NHSL2: variants seen among roughly 807,000 people sequenced by gnomAD.
The protein encoded by NHSL2 is NHS like 2, also known as NHS-like protein 2.
A neutral mutation model predicts 53.4 loss-of-function variants in NHSL2; 27 were observed. The ratio of observed to expected loss-of-function variants is 0.51; its 90% CI spans 0.37 to 0.70. NHSL2 has a LOEUF of 0.70. NHSL2 is among the 30% of genes least tolerant of loss of function. The pLI is 0.00. For synonymous variants in NHSL2, 408 were observed against 404.1 expected (o/e 1.01, Z -0.12); for missense variants, 892 against 980.1 (o/e 0.91, Z 1.20).
Position 72,147,348 on chromosome X carries a change from G to A in NHSL2, c.*3774G>A, listed in dbSNP as rs2042472112. On this transcript the variant is annotated 3_prime_UTR_variant, in exon 8 of 8. Transcript: ENST00000633930. The stretch of plus-strand genomic sequence containing the variant: ...GGTGCCCGCTCTCAGGGCCATGCAA[G>A]TGCCTTACCCTCGTCCCAGCCCTGT... 1 of 112,137 alleles carries A rather than the reference G, an allele frequency of 8.9e-6. No individual in the cohort carries two copies. The highest frequency in any genetic ancestry group is 3.2e-5 in the African/African-American group (1 of 30,840). 9.2% of individuals were successfully genotyped at this position (112,137 alleles called of 1,213,427 possible).
rs10580313 is a variant in NHSL2, at chrX:72,080,571, C to CGTGTGTGTGTGTGTGT, written c.281-51491_281-51476dup. Among the ~76,000 whole-genome samples, 21 of 97,141 alleles carry CGTGTGTGTGTGTGTGT rather than the reference C, an allele frequency of 2.2e-4. No individual in the cohort carries two copies. In the East Asian group the frequency reaches 3.1e-3, roughly 14 times the overall value. 84.4% of individuals were successfully genotyped at this position (97,141 alleles called of 115,157 possible). A position where few individuals can be genotyped will look rare whatever the true frequency, so the allele number is the denominator to read the frequency against. On this transcript the variant is annotated intron_variant, in intron 1 of 7. Coordinates refer to ENST00000633930, the MANE Select transcript of NHSL2 (RefSeq NM_001013627.3). ...ATAAAAGTGATGGAGGAATTCTGCA[C>CGTGTGTGTGTGTGTGT]GTGTGTGTGTGTGTGTGTGTGTGTG...
rs751047116 is a variant in NHSL2 at position 71,981,492 on chromosome X, G to A, written c.280+70125G>A. Among the ~76,000 whole-genome samples the A allele has an allele frequency of 5.5e-4, 56 of 101,109 alleles. No individual in the cohort carries two copies. In the South Asian group the frequency reaches 9.8e-3, roughly 18 times the overall value. 87.8% of individuals were successfully genotyped at this position (101,109 alleles called of 115,157 possible). A position where few individuals can be genotyped will look rare whatever the true frequency, so the allele number is the denominator to read the frequency against. On this transcript the variant is annotated intron_variant, in intron 1 of 7. Coordinates refer to ENST00000633930, the MANE Select transcript of NHSL2 (RefSeq NM_001013627.3). ...ACCCAGGTTGCAGTGAGCAGAGATC[G>A]TGCCACTGCACTCCAACCTGGGCAA...
At chrX:71,971,990 A>C (rs981570411) in intron 1 of NHSL2, among the ~76,000 whole-genome samples, 13 of 111,766 alleles carry the variant, frequency 1.2e-4, no homozygotes, top group Non-Finnish European at 7.5e-5. Flanking sequence ...TCTGTAAGTG[A>C]CAATGGATTC....
chrX:71,982,157 G>T (rs887736958), intron 1 of NHSL2, among the ~76,000 whole-genome samples: 11 of 112,126 alleles, frequency 9.8e-5, no homozygotes, highest in African/African-American at 3.6e-4. Context: ...AATGAATGAA[G>T]TACTGATATA....
chrX:72,018,874 G>A (rs900420186), intron 1 of NHSL2, among the ~76,000 whole-genome samples: 3 of 112,942 alleles, frequency 2.7e-5, no homozygotes, highest in African/African-American at 9.6e-5. Flanking sequence ...TGGGGTGCGT[G>A]AGGAATGAAT....
rs1483460273 is a variant in NHSL2 at position 72,087,828 on chromosome X, C to T, written c.281-44251C>T. Among the ~76,000 whole-genome samples, 6 of 110,995 alleles carry T rather than the reference C, an allele frequency of 5.4e-5. No individual in the cohort carries two copies. In the South Asian group the frequency reaches 1.1e-3, roughly 21 times the overall value. ...CGGAGGTTGCAATGAGCCAAGATCG[C>T]GCCATTGAACTCCAGCCTGGATGAC... On this transcript the variant is annotated intron_variant, in intron 1 of 7. Transcript: ENST00000633930.
At chrX:72,107,015 T>C (rs2042048462) in intron 1 of NHSL2, among the ~76,000 whole-genome samples, 1 of 110,671 alleles carries the variant, frequency 9.0e-6, no homozygotes, top group Non-Finnish European at 1.9e-5. Flanking sequence ...CTAATGTAAA[T>C]GACGAGTTGA....
At chrX:72,034,680 T>C (rs1174214225) in intron 1 of NHSL2, among the ~76,000 whole-genome samples, 1 of 112,226 alleles carries the variant, frequency 8.9e-6, no homozygotes, top group Admixed American at 9.4e-5. Flanking sequence ...GTGATATTGG[T>C]CTATTTCTTC....
chrX:71,948,827 CAAA>C (rs55981141), intron 1 of NHSL2, among the ~76,000 whole-genome samples: 47 of 83,070 alleles, frequency 5.7e-4, no homozygotes, highest in Admixed American at 9.2e-4. Flanking sequence ...AAGACTCTGT[CAAA>C]AAAAAAAAAA....
intron 1 of NHSL2, among the ~76,000 whole-genome samples, chrX:72,057,735 C>G (rs771354166): frequency 2.7e-5 from 3 of 111,960 alleles, no homozygotes; most frequent in Admixed American, 9.4e-5. Context: ...TACGATAACA[C>G]TAGGACACTA....
At position 72,144,832 on chromosome X, in the gene NHSL2, A is replaced by C. The variant is rs2042451594; in HGVS notation, c.*1258A>C. On this transcript the variant is annotated 3_prime_UTR_variant, in exon 8 of 8. Coordinates refer to ENST00000633930, the MANE Select transcript of NHSL2 (RefSeq NM_001013627.3). Reference sequence around the variant, plus strand: ...GGGGAGAGCATAAGAACCTGGGTAAATGGCATACTGAAAGAGCTTCAGAAT... The same window carrying C: ...GGGGAGAGCATAAGAACCTGGGTAACTGGCATACTGAAAGAGCTTCAGAAT... 1 of 158,763 alleles carries C rather than the reference A, an allele frequency of 6.3e-6. No homozygotes were observed. Among genetic ancestry groups the C allele is most frequent in the African/African-American group, 3.2e-5 (1 of 31,550 alleles). 13.1% of individuals were successfully genotyped at this position (158,763 alleles called of 1,213,427 possible). A position where few individuals can be genotyped will look rare whatever the true frequency, so the allele number is the denominator to read the frequency against.
At chrX:72,109,471 T>G (rs1320274579) in intron 1 of NHSL2, among the ~76,000 whole-genome samples, 1 of 110,386 alleles carries the variant, frequency 9.1e-6, no homozygotes, top group Non-Finnish European at 1.9e-5. Flanking sequence ...TTTGTTGTTG[T>G]TTGTTTGTTT....
At position 72,147,666 on chromosome X, in the gene NHSL2, T is replaced by C. The variant is rs1248330935; in HGVS notation, c.*4092T>C. 1 of 111,737 alleles carries C rather than the reference T, an allele frequency of 8.9e-6. No individual in the cohort carries two copies. The highest frequency in any genetic ancestry group is 3.3e-5 in the African/African-American group (1 of 30,638). The allele number at this position is 111,737 out of a possible 1,213,427, so 9.2% of individuals were successfully genotyped here. A position where few individuals can be genotyped will look rare whatever the true frequency, so the allele number is the denominator to read the frequency against. Reference sequence around the variant, plus strand: ...GCCCTTCAACAAAAGAGTGACTGAGTTGACGGTCTGTCACCAGGATCCTCC... The same window carrying C: ...GCCCTTCAACAAAAGAGTGACTGAGCTGACGGTCTGTCACCAGGATCCTCC... On this transcript the variant is annotated 3_prime_UTR_variant, in exon 8 of 8. Transcript: ENST00000633930.
chrX:72,105,682 A>C (rs1163622470), intron 1 of NHSL2, among the ~76,000 whole-genome samples: 2 of 111,674 alleles, frequency 1.8e-5, no homozygotes, highest in Non-Finnish European at 3.8e-5. Flanking sequence ...ATGTCACCAC[A>C]GTTGAGGTTA....
chrX:72,106,877 A>G (rs2147470019), intron 1 of NHSL2, among the ~76,000 whole-genome samples: 1 of 106,807 alleles, frequency 9.4e-6, no homozygotes, highest in Non-Finnish European at 1.9e-5. Context: ...AAAACCAAAC[A>G]CTGCATGTTC....
chrX:72,106,251 T>TACACACAC (rs148976162), intron 1 of NHSL2, among the ~76,000 whole-genome samples: 5 of 105,973 alleles, frequency 4.7e-5, no homozygotes, highest in African/African-American at 1.4e-4. Context: ...ATTCCCTCAT[T>TACACACAC]ACACACACAC....
intron 1 of NHSL2, among the ~76,000 whole-genome samples, chrX:72,122,640 C>G (rs1357121215): frequency 8.9e-6 from 1 of 112,054 alleles, no homozygotes; most frequent in Non-Finnish European, 1.9e-5. Context: ...ATGTGACTCT[C>G]AAGCCCAGTG....
chrX:72,021,049 A>ACG (rs1227551714), intron 1 of NHSL2, among the ~76,000 whole-genome samples: 1 of 101,353 alleles, frequency 9.9e-6, no homozygotes, highest in Non-Finnish European at 1.9e-5. Context: ...ACACACACAC[A>ACG]CGCGTGCGCA....
At chrX:72,045,644 C>G (rs2147924435) in intron 1 of NHSL2, among the ~76,000 whole-genome samples, 1 of 112,315 alleles carries the variant, frequency 8.9e-6, no homozygotes, top group South Asian at 3.7e-4. Flanking sequence ...ACTGGATTCA[C>G]TCTGATTCCA....
Sources: allele counts gnomAD v4.1 joint callset (sites outside exome capture counted in the v4.1 genomes callset), GRCh38; gene constraint gnomAD v4.1.1; transcripts MANE v1.5; gene names NCBI Gene and HGNC (gene_info 2026-07-23, HGNC 2026-07-21).